The following RYK variants were observed in gnomAD, a reference collection of about 807,000 sequenced individuals.
RYK encodes inactive tyrosine-protein kinase RYK.
RYK carries 21 observed loss-of-function variants against 70.2 expected under a neutral mutation model. That is an observed-to-expected ratio of 0.30 (90% CI 0.21 to 0.43). RYK has a LOEUF of 0.43. RYK is among the 20% of genes least tolerant of loss of function. RYK has a pLI of 1.00. For missense variants in RYK, 604 were observed against 753.3 expected, an observed-to-expected ratio of 0.80 and a Z score of 2.32; for synonymous variants, 267 against 278.0, an observed-to-expected ratio of 0.96 and a Z score of 0.39.
Position 134,250,547 on chromosome 3 carries a change from C to A in RYK, c.108G>T (p.Leu36Phe). ...CAGCGCCAGGCGCGGGCAGCAGCGG[C>A]AACAGCGCAAGCAGAAGCAGCAGCG... ...PPPLLLLLALLPLLPAPGAAA... is the reference protein window; with the variant it reads ...PPPLLLLLALFPLLPAPGAAA... The change falls in exon 1 of 15, where the codon TTG becomes TTT. Residue 36 changes from leucine to phenylalanine, a missense_variant. By Grantham distance (22) the Leu-to-Phe change is conservative (BLOSUM62 0). Transcript: ENST00000623711. The A allele has an allele frequency of 8.8e-7, 1 of 1,139,300 alleles. No homozygotes were observed. The highest frequency in any genetic ancestry group is 1.1e-6 in the Non-Finnish European group (1 of 912,226). The allele number at this position is 1,139,300 out of a possible 1,614,324, so 70.6% of individuals were successfully genotyped here. A position where few individuals can be genotyped will look rare whatever the true frequency, so the allele number is the denominator to read the frequency against.
At chr3:134,228,325 G>A (rs1046615805) in intron 1 of RYK, among the ~76,000 whole-genome samples, 1 of 152,074 alleles carries the variant, frequency 6.6e-6, no homozygotes, top group African/African-American at 2.4e-5. Flanking sequence ...ATATGACCCA[G>A]CAATCGCACT....
At chr3:134,205,284 AACT>A (rs2014182237) in intron 5 of RYK, among the ~76,000 whole-genome samples, 3 of 152,210 alleles carry the variant, frequency 2.0e-5, no homozygotes, top group Non-Finnish European at 4.4e-5. Context: ...TAAAAGATAA[AACT>A]TACAGCTTTC....
intron 13 of RYK, among the ~76,000 whole-genome samples, chr3:134,167,595 C>T (rs1037218997): frequency 4.6e-5 from 7 of 152,156 alleles, no homozygotes; most frequent in Admixed American, 1.3e-4. Context: ...AACTGGATCC[C>T]TTCCTTACAC....
chr3:134,228,625 T>C (rs2014972196), intron 1 of RYK, among the ~76,000 whole-genome samples: 2 of 152,004 alleles, frequency 1.3e-5, no homozygotes, highest in Admixed American at 1.3e-4. Context: ...ATCACTCATA[T>C]GTGGAATCTT....
chr3:134,219,078 AG>A (rs1307965901), intron 2 of RYK, among the ~76,000 whole-genome samples: 2 of 152,216 alleles, frequency 1.3e-5, no homozygotes, highest in Non-Finnish European at 2.9e-5. Flanking sequence ...CCTGCCAAAG[AG>A]GTAACTTAGA....
chr3:134,221,820 CTT>C, intron 2 of RYK, among the ~76,000 whole-genome samples: 1 of 152,184 alleles, frequency 6.6e-6, no homozygotes, highest in East Asian at 1.9e-4. Context: ...GCCTCCGACT[CTT>C]TGACTTAGGA....
chr3:134,228,502 T>C (rs1351592911), intron 1 of RYK, among the ~76,000 whole-genome samples: 1 of 152,204 alleles, frequency 6.6e-6, no homozygotes, highest in Non-Finnish European at 1.5e-5. Context: ...AATGTAGTAT[T>C]ATTCAACTTT....
intron 13 of RYK, 146 bp from the exon 14 acceptor site, chr3:134,159,519 TAC>T: frequency 1.4e-6 from 1 of 690,278 alleles, no homozygotes; most frequent in Non-Finnish European, 2.3e-6. Flanking sequence ...ATGTCTATCA[TAC>T]ACAGTTAGTT....
intron 2 of RYK, among the ~76,000 whole-genome samples, chr3:134,219,695 CAG>C (rs2014678543): frequency 6.6e-6 from 1 of 152,196 alleles, no homozygotes; most frequent in Admixed American, 6.5e-5. Context: ...CACTGGACCT[CAG>C]AGTTGCAAGG....
At chr3:134,215,094 T>C (rs561419264) in intron 2 of RYK, among the ~76,000 whole-genome samples, 2 of 152,218 alleles carry the variant, frequency 1.3e-5, no homozygotes, top group Non-Finnish European at 2.9e-5. Context: ...ACACTTACTA[T>C]TTCCCCAGAA....
At chr3:134,166,352 T>C (rs1342766589) in intron 13 of RYK, among the ~76,000 whole-genome samples, 1 of 152,218 alleles carries the variant, frequency 6.6e-6, no homozygotes, top group Non-Finnish European at 1.5e-5. Context: ...GTACCTAATT[T>C]TGGACTTCCT....
chr3:134,191,987 C>T lies in RYK; in HGVS notation c.890-13G>A. 1 of 1,612,092 alleles carries T rather than the reference C, an allele frequency of 6.2e-7. No individual in the cohort carries two copies. Among genetic ancestry groups the T allele is most frequent in the South Asian group, 1.1e-5 (1 of 90,668 alleles). On this transcript the variant is annotated splice_polypyrimidine_tract_variant and intron_variant, in intron 7 of 14. Transcript: ENST00000623711. ...AAGGTAGGATAACCTAAGGAGCCAACAAAGCCAAACCAAGCAATATAAATA... is the reference window on the plus strand; with the variant it reads ...AAGGTAGGATAACCTAAGGAGCCAATAAAGCCAAACCAAGCAATATAAATA...
chr3:134,189,031 G>T, intron 8 of RYK, 108 bp from the exon 9 acceptor site: 1 of 613,568 alleles, frequency 1.6e-6, no homozygotes, highest in South Asian at 2.3e-5. Context: ...GGTCATATGT[G>T]ATCAACATTA....
At chr3:134,228,297 GA>G (rs895414909) in intron 1 of RYK, among the ~76,000 whole-genome samples, 13 of 150,492 alleles carry the variant, frequency 8.6e-5, no homozygotes, top group African/African-American at 1.9e-4. Flanking sequence ...TGTGTAGGGG[GA>G]AAAAAAAATA....
At chr3:134,217,618 A>C (rs999029951) in intron 2 of RYK, among the ~76,000 whole-genome samples, 1 of 152,230 alleles carries the variant, frequency 6.6e-6, no homozygotes. Flanking sequence ...AAACTGCAGA[A>C]AAGTAGGTGG....
chr3:134,250,569 AGCGGCGGCG>A lies in RYK; in HGVS notation c.77_85del (p.Pro26_Pro28del), dbSNP rs1284777873. ...CGGCAACAGCGCAAGCAGAAGCAGC[AGCGGCGGCG>A]GCGGCGGGGCCCTCAGGCCGCGGGC... On this transcript the variant is annotated inframe_deletion, in exon 1 of 15. Coordinates refer to ENST00000623711, the MANE Select transcript of RYK (RefSeq NM_002958.4). 9.3e-7 allele frequency: 1 copy of A among 1,073,916 alleles called. No homozygotes were observed. The highest frequency in any genetic ancestry group is 1.2e-6 in the Non-Finnish European group (1 of 863,256). The allele number at this position is 1,073,916 out of a possible 1,614,324, so 66.5% of individuals were successfully genotyped here.
At chr3:134,245,399 C>G (rs1247977364) in intron 1 of RYK, among the ~76,000 whole-genome samples, 3 of 151,842 alleles carry the variant, frequency 2.0e-5, no homozygotes, top group African/African-American at 7.3e-5. Context: ...ACAAAGACAT[C>G]AAACCATAAG....
chr3:134,198,722 A>G (rs189420357), intron 6 of RYK, among the ~76,000 whole-genome samples: 14 of 152,326 alleles, frequency 9.2e-5, no homozygotes, highest in African/African-American at 3.1e-4. Flanking sequence ...GGCACAAACT[A>G]TTGTGAAAAA....
intron 5 of RYK, among the ~76,000 whole-genome samples, chr3:134,204,681 G>T (rs1246845007): frequency 1.3e-5 from 2 of 149,746 alleles, no homozygotes; most frequent in Non-Finnish European, 3.0e-5. Context: ...ACATAAGCAG[G>T]CAGAGTGGAA....
Sources: allele counts gnomAD v4.1 joint callset (sites outside exome capture counted in the v4.1 genomes callset), GRCh38; gene constraint gnomAD v4.1.1; transcripts MANE v1.5; gene names NCBI Gene and HGNC (gene_info 2026-07-23, HGNC 2026-07-21).